LRRK1: variants seen among roughly 807,000 people sequenced by gnomAD.
LRRK1 encodes the protein leucine rich repeat kinase 1.
LRRK1 carries 113 observed loss-of-function variants against 209.1 expected under a neutral mutation model. The observed-to-expected ratio is 0.54, with a 90% confidence interval of 0.46 to 0.63. The LOEUF (loss-of-function observed/expected upper bound fraction) is 0.63, where lower values mean the gene tolerates loss of function less well. LRRK1 is among the 30% of genes least tolerant of loss of function. The pLI, the probability that LRRK1 is intolerant of heterozygous loss-of-function variation, is 0.00. For synonymous variants in LRRK1, 1,144 were observed against 1,099.7 expected, an observed-to-expected ratio of 1.04 and a Z score of -0.80; for missense variants, 2,284 against 2,632.2, an observed-to-expected ratio of 0.87 and a Z score of 2.89.
intron 2 of LRRK1, among the ~76,000 whole-genome samples, chr15:100,933,182 C>G (rs1045291446): frequency 6.6e-6 from 1 of 152,212 alleles, no homozygotes; most frequent in South Asian, 2.1e-4. Context: ...GCCTTTGGAA[C>G]CTTCTCCCTT....
At chr15:101,026,267 T>G (rs1451832374) in intron 17 of LRRK1, 130 bp downstream of exon 17, 2 of 878,772 alleles carry the variant, frequency 2.3e-6, no homozygotes, top group Non-Finnish European at 3.5e-6. Flanking sequence ...AGGGTGGCCA[T>G]CCACAGAGCT....
At chr15:100,932,919 C>T (rs372208602) in intron 2 of LRRK1, among the ~76,000 whole-genome samples, 29 of 152,272 alleles carry the variant, frequency 1.9e-4, no homozygotes, top group African/African-American at 7.0e-4. Flanking sequence ...ATGACATGTT[C>T]CCTTCGTGAT....
At chr15:101,004,177 A>G (rs1163634441) in intron 6 of LRRK1, among the ~76,000 whole-genome samples, 1 of 152,188 alleles carries the variant, frequency 6.6e-6, no homozygotes. Flanking sequence ...CACTGCCAGT[A>G]GGAAGGCAAA....
Position 100,945,482 on chromosome 15 carries a change from C to CTTTTT in LRRK1, c.97+20780_97+20784dup, listed in dbSNP as rs34038990. Among the ~76,000 whole-genome samples, 100 of 63,622 alleles carry CTTTTT rather than the reference C, an allele frequency of 1.6e-3. 14 individuals carry two copies. Among genetic ancestry groups the CTTTTT allele is most frequent in the Non-Finnish European group, 2.0e-3 (70 of 34,906 alleles). The allele number at this position is 63,622 out of a possible 152,430, so 41.7% of individuals were successfully genotyped here. A position where few individuals can be genotyped will look rare whatever the true frequency, so the allele number is the denominator to read the frequency against. ...TTTAAAAACTATCTCTGCAGAGCCT[C>CTTTTT]TTTTTTTTTTTTTTTTTTTTTTTTT... is the stretch of plus-strand genomic sequence containing the variant. On this transcript the variant is annotated intron_variant, in intron 2 of 33. Transcript: ENST00000388948.
At position 101,000,863 on chromosome 15, in the gene LRRK1, G is replaced by A. The variant is rs984190556; in HGVS notation, c.763-7974G>A. Reference sequence around the variant, plus strand: ...GTTAGGACTTCAGCATATCTTTTTGGAGGGACACACTGCAACCCGTCACAC... The same window carrying A: ...GTTAGGACTTCAGCATATCTTTTTGAAGGGACACACTGCAACCCGTCACAC... On this transcript the variant is annotated intron_variant, in intron 6 of 33. Transcript: ENST00000388948. Among the ~76,000 whole-genome samples the A allele has an allele frequency of 3.3e-5, 5 of 152,214 alleles. No individual in the cohort carries two copies. The East Asian group carries it at 9.7e-4, about 29-fold the overall frequency.
intron 21 of LRRK1, 105 bp downstream of exon 21, chr15:101,046,257 C>G: frequency 3.2e-6 from 4 of 1,254,610 alleles, no homozygotes; most frequent in African/African-American, 1.5e-5. Context: ...GCCTGGAGAC[C>G]CTTCTCCTAG....
intron 2 of LRRK1, among the ~76,000 whole-genome samples, chr15:100,925,259 G>C (rs529112533): frequency 6.6e-6 from 1 of 152,242 alleles, no homozygotes; most frequent in East Asian, 1.9e-4. Context: ...AGTGACATTT[G>C]CTTAGGGCAC....
intron 2 of LRRK1, among the ~76,000 whole-genome samples, chr15:100,972,725 A>G (rs1321639550): frequency 6.6e-6 from 1 of 152,004 alleles, no homozygotes; most frequent in African/African-American, 2.4e-5. Flanking sequence ...AAAAACAATA[A>G]CCCAATTTGC....
At chr15:101,055,288 C>T in intron 27 of LRRK1, 65 bp downstream of exon 27, 1 of 1,457,046 alleles carries the variant, frequency 6.9e-7, no homozygotes, top group Non-Finnish European at 9.1e-7. Context: ...GCTAGCCGGG[C>T]AGTCCTGGAG....
intron 2 of LRRK1, among the ~76,000 whole-genome samples, chr15:100,965,699 GA>G (rs77490467): frequency 0.016 from 2,446 of 148,656 alleles, 103 homozygotes; most frequent in East Asian, 0.12. Context: ...AACCAAACCT[GA>G]AAAAAAAAAT....
chr15:101,013,179 A>G (rs7174484), intron 10 of LRRK1, among the ~76,000 whole-genome samples: 127,021 of 151,812 alleles, frequency 0.84, 53,392 homozygotes, highest in South Asian at 0.89. Context: ...GGCTTGGGGG[A>G]CCCTGAGGTC....
At position 101,024,779 on chromosome 15, in the gene LRRK1, G is replaced by T. The variant is rs774200756; in HGVS notation, c.2068-24G>T. 2 of 1,601,210 alleles carry T rather than the reference G, an allele frequency of 1.2e-6. No individual in the cohort carries two copies. Among genetic ancestry groups the T allele is most frequent in the East Asian group, 2.2e-5 (1 of 44,522 alleles). ...GCCTTTGTCTCTAAAATGCCTCCCTGTCGCTGCCTTGTTGCTCAAGTAGGT... is the reference window on the plus strand; with the variant it reads ...GCCTTTGTCTCTAAAATGCCTCCCTTTCGCTGCCTTGTTGCTCAAGTAGGT... On this transcript the variant is annotated intron_variant, in intron 15 of 33. Coordinates refer to ENST00000388948, the MANE Select transcript of LRRK1 (RefSeq NM_024652.6). This position sits in a 1 kb window ranked among gnomAD's most constrained non-coding sequence, Gnocchi z 4.6.
chr15:100,925,345 CA>C (rs1567181652), intron 2 of LRRK1, among the ~76,000 whole-genome samples: 3 of 152,092 alleles, frequency 2.0e-5, no homozygotes, highest in East Asian at 3.8e-4. Context: ...ATAATTGGAT[CA>C]AAAAATGATT....
intron 6 of LRRK1, among the ~76,000 whole-genome samples, chr15:101,008,408 G>T (rs934595902): frequency 3.3e-5 from 5 of 152,212 alleles, no homozygotes; most frequent in African/African-American, 1.2e-4. Context: ...AGGAAAGGCC[G>T]CCTTGAAGGG....
intron 2 of LRRK1, among the ~76,000 whole-genome samples, chr15:100,934,021 ATTTAT>A (rs1169007529): frequency 2.6e-5 from 4 of 151,788 alleles, no homozygotes; most frequent in Non-Finnish European, 5.9e-5. Flanking sequence ...CCTAATTGCC[ATTTAT>A]TTTATTTTAT....
chr15:101,012,240 A>G, intron 10 of LRRK1, 95 bp downstream of exon 10: 2 of 1,116,370 alleles, frequency 1.8e-6, no homozygotes, highest in East Asian at 2.4e-5. Context: ...TGAGCTTCTG[A>G]GATAAATATA....
intron 2 of LRRK1, among the ~76,000 whole-genome samples, chr15:100,934,879 G>A (rs1178432568): frequency 6.6e-6 from 1 of 151,598 alleles, no homozygotes; most frequent in Non-Finnish European, 1.5e-5. Flanking sequence ...GTAAGATCAT[G>A]TACAAAAGAG....
At chr15:101,030,970 A>T (rs1376352340) in intron 20 of LRRK1, among the ~76,000 whole-genome samples, 1 of 152,088 alleles carries the variant, frequency 6.6e-6, no homozygotes, top group Non-Finnish European at 1.5e-5. Flanking sequence ...GCATCCTGAC[A>T]GCTTAGCTCT....
chr15:100,941,926 TG>T (rs2042445922), intron 2 of LRRK1, among the ~76,000 whole-genome samples: 1 of 152,196 alleles, frequency 6.6e-6, no homozygotes. Context: ...GCTGGTGACC[TG>T]GGGACCCTCT....
Sources: allele counts gnomAD v4.1 joint callset (sites outside exome capture counted in the v4.1 genomes callset), GRCh38; gene constraint gnomAD v4.1.1; non-coding constraint Gnocchi (gnomAD v3.1); transcripts MANE v1.5; gene names NCBI Gene and HGNC (gene_info 2026-07-23, HGNC 2026-07-21).